The following TRAPPC9 variants were observed in gnomAD, a reference collection of about 807,000 sequenced individuals.
TRAPPC9 encodes the protein trafficking protein particle complex subunit 9.
Under a neutral mutation model 124.0 loss-of-function variants are expected in TRAPPC9, and 83 were observed. That is an observed-to-expected ratio of 0.67 (90% confidence interval 0.56 to 0.80). The LOEUF is 0.80. Ranked by LOEUF, TRAPPC9 falls within the 30% of genes least tolerant of loss-of-function variation. TRAPPC9 has a pLI of 0.00. For synonymous variants in TRAPPC9, 638 were observed against 617.5 expected, an observed-to-expected ratio of 1.03 and a Z score of -0.49; for missense variants, 1,302 against 1,508.3, an observed-to-expected ratio of 0.86 and a Z score of 2.27.
intron 5 of TRAPPC9, among the ~76,000 whole-genome samples, chr8:140,414,007 G>A (rs1216831778): frequency 6.6e-6 from 1 of 151,966 alleles, no homozygotes; most frequent in African/African-American, 2.4e-5. Flanking sequence ...ATGATTTATA[G>A]TCCTTTGGGT....
intron 15 of TRAPPC9, among the ~76,000 whole-genome samples, chr8:140,270,537 G>C (rs539687272): frequency 6.6e-6 from 1 of 152,224 alleles, no homozygotes; most frequent in Non-Finnish European, 1.5e-5. Context: ...CCTGATTAGA[G>C]AAAGAGACCA....
chr8:139,779,611 G>A lies in TRAPPC9; in HGVS notation c.3056-47409C>T, dbSNP rs368967522. ...ATAATAAGGTTCTTACAGTATACAC[G>A]AAGATGTATAATGTCACTTCATGAC... is the stretch of plus-strand genomic sequence containing the variant. On this transcript the variant is annotated intron_variant, in intron 21 of 22. Coordinates refer to ENST00000438773, the MANE Select transcript of TRAPPC9 (RefSeq NM_001160372.4). 5.3e-5 allele frequency among the ~76,000 whole-genome samples: 8 copies of A among 152,240 alleles called. No individual in the cohort carries two copies. The East Asian group carries it at 1.3e-3, about 26-fold the overall frequency.
intron 2 of TRAPPC9, among the ~76,000 whole-genome samples, chr8:140,444,211 CAAAAA>C: frequency 1.5e-5 from 1 of 66,680 alleles, no homozygotes; most frequent in African/African-American, 5.3e-5. Flanking sequence ...GACTCTGTCT[CAAAAA>C]AAAAAAAAAA....
At position 139,825,110 on chromosome 8, in the gene TRAPPC9, C is replaced by T. The variant is rs141826949; in HGVS notation, c.3055+60769G>A. Among the ~76,000 whole-genome samples, 1 of 152,136 alleles carries T rather than the reference C, an allele frequency of 6.6e-6. No homozygotes were observed. The highest frequency in any genetic ancestry group is 1.9e-4 in the East Asian group (1 of 5,148). ...AGTGGGGGTCACAGATGACCCGGGC[C>T]CTGGACGTGGGACGTGGGCTGCGGG... is the stretch of plus-strand genomic sequence containing the variant. On this transcript the variant is annotated intron_variant, in intron 21 of 22. Transcript: ENST00000438773. The surrounding 1 kb of genome is among the most constrained non-coding windows in gnomAD (Gnocchi z 4.6).
chr8:139,763,936 C>T (rs781698511), intron 21 of TRAPPC9, among the ~76,000 whole-genome samples: 3 of 152,156 alleles, frequency 2.0e-5, no homozygotes, highest in Non-Finnish European at 4.4e-5. Context: ...GACTAGGACT[C>T]GGGAGGTTAG....
At chr8:140,161,029 G>A (rs1213291190) in intron 17 of TRAPPC9, among the ~76,000 whole-genome samples, 1 of 152,186 alleles carries the variant, frequency 6.6e-6, no homozygotes, top group African/African-American at 2.4e-5. Flanking sequence ...AGATGAGGAA[G>A]TTGAGGCTTG....
intron 20 of TRAPPC9, among the ~76,000 whole-genome samples, chr8:139,888,038 AG>A (rs1451950134): frequency 6.6e-6 from 1 of 152,140 alleles, no homozygotes; most frequent in East Asian, 1.9e-4. Flanking sequence ...GCACATTCTC[AG>A]GGTTCACTGC....
At chr8:140,441,196 G>A (rs2132641196) in intron 2 of TRAPPC9, among the ~76,000 whole-genome samples, 1 of 151,504 alleles carries the variant, frequency 6.6e-6, no homozygotes, top group East Asian at 1.9e-4. Context: ...GCTCAAGCTG[G>A]TCTCGAACTC....
intron 21 of TRAPPC9, among the ~76,000 whole-genome samples, chr8:139,774,151 G>A (rs948251445): frequency 3.9e-5 from 6 of 152,196 alleles, no homozygotes; most frequent in Non-Finnish European, 7.4e-5. Context: ...GAGGCCCCAC[G>A]AAGCTCCCAC....
At chr8:139,842,539 C>T (rs1042871632) in intron 21 of TRAPPC9, among the ~76,000 whole-genome samples, 3 of 152,326 alleles carry the variant, frequency 2.0e-5, no homozygotes, top group East Asian at 1.9e-4. Flanking sequence ...TAAACACAGT[C>T]GGCAGGCGAT....
intron 19 of TRAPPC9, 119 bp from the exon 20 acceptor site, chr8:139,910,419 C>A: frequency 1.9e-6 from 2 of 1,074,968 alleles, no homozygotes; most frequent in South Asian, 1.3e-5. Flanking sequence ...GTTAGTAATT[C>A]ATAACGGATT....
At chr8:140,437,217 G>T (rs2070845340) in intron 3 of TRAPPC9, among the ~76,000 whole-genome samples, 1 of 151,954 alleles carries the variant, frequency 6.6e-6, no homozygotes, top group Non-Finnish European at 1.5e-5. Flanking sequence ...CCCAGTTAAT[G>T]TTTTTTAATT....
At chr8:139,797,130 C>T (rs1413999386) in intron 21 of TRAPPC9, among the ~76,000 whole-genome samples, 4 of 151,660 alleles carry the variant, frequency 2.6e-5, no homozygotes, top group East Asian at 3.9e-4. Context: ...AAGAGGTCTT[C>T]GTATATTCTG....
intron 17 of TRAPPC9, among the ~76,000 whole-genome samples, chr8:140,176,323 C>T (rs904937813): frequency 2.0e-5 from 3 of 152,166 alleles, no homozygotes; most frequent in African/African-American, 7.2e-5. Context: ...GGCCATCTAA[C>T]GTCCCACCCC....
At chr8:140,422,113 G>A (rs1172806516) in intron 5 of TRAPPC9, among the ~76,000 whole-genome samples, 1 of 151,644 alleles carries the variant, frequency 6.6e-6, no homozygotes, top group Non-Finnish European at 1.5e-5. Flanking sequence ...AAACTCATGA[G>A]TTTGAATGCC....
chr8:140,112,273 G>A (rs1349298204), intron 17 of TRAPPC9, among the ~76,000 whole-genome samples: 2 of 151,992 alleles, frequency 1.3e-5, no homozygotes, highest in Non-Finnish European at 2.9e-5. Context: ...TGCGAGGAGA[G>A]TAATGGAGAA....
chr8:140,036,073 C>T (rs1587551950), intron 17 of TRAPPC9, among the ~76,000 whole-genome samples: 1 of 152,208 alleles, frequency 6.6e-6, no homozygotes, highest in East Asian at 1.9e-4. Flanking sequence ...CTACGAGGGT[C>T]CATGTGGCGG....
At chr8:139,843,546 G>C (rs759344861) in intron 21 of TRAPPC9, among the ~76,000 whole-genome samples, 15 of 152,238 alleles carry the variant, frequency 9.9e-5, no homozygotes, top group Non-Finnish European at 1.6e-4. Flanking sequence ...CTCACTTGGA[G>C]ACAGGAAGCT....
At chr8:139,834,945 G>A (rs918387552) in intron 21 of TRAPPC9, among the ~76,000 whole-genome samples, 3 of 152,160 alleles carry the variant, frequency 2.0e-5, no homozygotes, top group African/African-American at 4.8e-5. Flanking sequence ...TTAAATAGGC[G>A]ATTTCTATCC....
Sources: gnomAD v4.1 joint callset for allele counts (sites outside exome capture counted in the v4.1 genomes callset) on GRCh38, gnomAD v4.1.1 for gene constraint, Gnocchi (gnomAD v3.1) non-coding constraint, MANE v1.5 for transcripts, NCBI Gene and HGNC (gene_info 2026-07-23, HGNC 2026-07-21) for gene names.